HIGD1A: variants seen among roughly 807,000 people sequenced by gnomAD.
HIGD1A encodes HIG1 domain family member 1A, mitochondrial.
Under a neutral mutation model 11.3 loss-of-function variants are expected in HIGD1A, and 8 were observed. That is an observed-to-expected ratio of 0.71 (90% CI 0.42 to 1.28). The LOEUF (loss-of-function observed/expected upper bound fraction) is 1.28, where lower values mean the gene tolerates loss of function less well. Among genes scored for constraint, HIGD1A ranks in the 50% most tolerant of loss-of-function variants. The pLI is 0.01. For synonymous variants in HIGD1A, 32 were observed against 38.4 expected, an observed-to-expected ratio of 0.83 and a Z score of 0.62; for missense variants, 107 against 118.8, an observed-to-expected ratio of 0.90 and a Z score of 0.46.
intron 3 of HIGD1A, 109 bp downstream of exon 3, chr3:42,785,919 G>T: frequency 2.1e-6 from 2 of 940,058 alleles, no homozygotes; most frequent in Non-Finnish European, 3.4e-6. Context: ...ATGAGTATAA[G>T]TGATATTCTC....
chr3:42,788,827 G>A (rs945008199), intron 2 of HIGD1A, among the ~76,000 whole-genome samples: 6 of 151,386 alleles, frequency 4.0e-5, no homozygotes, highest in African/African-American at 1.5e-4. Flanking sequence ...GCAGTGAGCC[G>A]AGATCCTGCC....
chr3:42,802,522 T>C (rs1255689225), intron 1 of HIGD1A, among the ~76,000 whole-genome samples: 1 of 152,254 alleles, frequency 6.6e-6, no homozygotes, highest in East Asian at 1.9e-4. Flanking sequence ...ATAGTACATA[T>C]CTAAAATACT....
intron 1 of HIGD1A, among the ~76,000 whole-genome samples, chr3:42,799,382 T>C (rs564465082): frequency 2.4e-4 from 36 of 152,170 alleles, no homozygotes; most frequent in Non-Finnish European, 4.3e-4. Context: ...GGCTAATTCA[T>C]TAAACCTACA....
At chr3:42,790,937 G>A (rs1575359653) in intron 2 of HIGD1A, among the ~76,000 whole-genome samples, 1 of 152,256 alleles carries the variant, frequency 6.6e-6, no homozygotes, top group South Asian at 2.1e-4. Flanking sequence ...TTGGCCTGCT[G>A]AGTAGCTGCA....
chr3:42,801,876 A>C (rs1021829667), intron 1 of HIGD1A, among the ~76,000 whole-genome samples: 1 of 152,236 alleles, frequency 6.6e-6, no homozygotes, highest in South Asian at 2.1e-4. Context: ...AAAGCAAGAA[A>C]GTTGGTAGCC....
At chr3:42,789,538 A>G (rs1700394276) in intron 2 of HIGD1A, among the ~76,000 whole-genome samples, 2 of 144,144 alleles carry the variant, frequency 1.4e-5, no homozygotes, top group African/African-American at 2.6e-5. Flanking sequence ...AAATTAAAAA[A>G]AAGAATTCAC....
chr3:42,793,338 C>T (rs1700451294), intron 2 of HIGD1A, among the ~76,000 whole-genome samples: 1 of 152,188 alleles, frequency 6.6e-6, no homozygotes, highest in African/African-American at 2.4e-5. Flanking sequence ...TCAGTCACAG[C>T]TGACACCTCA....
intron 2 of HIGD1A, among the ~76,000 whole-genome samples, chr3:42,791,889 T>G (rs1256260274): frequency 6.6e-6 from 1 of 152,192 alleles, no homozygotes; most frequent in Non-Finnish European, 1.5e-5. Context: ...TATTTTTTAC[T>G]GAGGGAATAT....
At chr3:42,790,206 T>G (rs1392909418) in intron 2 of HIGD1A, among the ~76,000 whole-genome samples, 1 of 152,160 alleles carries the variant, frequency 6.6e-6, no homozygotes, top group Non-Finnish European at 1.5e-5. Context: ...ATCATCTAAC[T>G]GTGTGTATAG....
At chr3:42,789,318 T>C (rs925262407) in intron 2 of HIGD1A, among the ~76,000 whole-genome samples, 2 of 152,050 alleles carry the variant, frequency 1.3e-5, no homozygotes, top group African/African-American at 2.4e-5. Context: ...GCTGGGATTA[T>C]AGGTGTGAAC....
At chr3:42,795,964 T>A (rs1369149592) in intron 1 of HIGD1A, among the ~76,000 whole-genome samples, 7 of 152,242 alleles carry the variant, frequency 4.6e-5, no homozygotes, top group African/African-American at 9.6e-5. Context: ...CTAATTAGTG[T>A]CAATTACAAT....
At position 42,794,174 on chromosome 3, in the gene HIGD1A, G is replaced by A. The variant is rs780692480; in HGVS notation, c.80C>T (p.Ala27Val). ...AAACTTACCAACGGGTACGAATGGTGCCTCTTTAGCTTTTCGAATGAGTTT... is the reference window on the plus strand; with the variant it reads ...AAACTTACCAACGGGTACGAATGGTACCTCTTTAGCTTTTCGAATGAGTTT... ...GSKLIRKAKE[A>V]PFVPVGIAGF... The change falls in exon 2 of 4, where the codon GCA becomes GTA. Residue 27 changes from alanine to valine, a missense_variant. By Grantham distance (64) the Ala-to-Val change is moderately conservative. Coordinates refer to ENST00000321331, the MANE Select transcript of HIGD1A (RefSeq NM_014056.4). 1.2e-6 allele frequency: 2 copies of A among 1,602,884 alleles called. No homozygotes were observed. The highest frequency in any genetic ancestry group is 1.3e-5 in the African/African-American group (1 of 74,232).
chr3:42,786,067 C>T lies in HIGD1A; in HGVS notation c.193G>A (p.Val65Met), dbSNP rs369168250. The change falls in exon 3 of 4, where the codon GTG becomes ATG. Residue 65 changes from valine to methionine, a missense_variant. Physicochemically the swap from Val to Met is conservative, Grantham distance 21 (BLOSUM62 1). Transcript: ENST00000321331. ...CCTACAACAAAGCCTTGGGCTGCCA[C>T]ACGCATGTGGATCAGATGAATGGAC... ...KMSIHLIHMR[V>M]AAQGFVVGAM... is the part of the protein sequence containing the mutation. The T allele has an allele frequency of 3.7e-6, 6 of 1,613,010 alleles. No homozygotes were observed. The African/African-American group carries it at 8.0e-5, about 22-fold the overall frequency.
At chr3:42,795,379 T>C (rs552608678) in intron 1 of HIGD1A, among the ~76,000 whole-genome samples, 28 of 152,202 alleles carry the variant, frequency 1.8e-4, no homozygotes, top group African/African-American at 6.7e-4. Flanking sequence ...CCACCATGCC[T>C]GGCTAATTTT....
chr3:42,801,308 T>C (rs1263913812), intron 1 of HIGD1A, among the ~76,000 whole-genome samples: 1 of 152,194 alleles, frequency 6.6e-6, no homozygotes, highest in African/African-American at 2.4e-5. Context: ...TGACCTCCTC[T>C]CAGAAATTTT....
chr3:42,801,387 T>C (rs1177976402), intron 1 of HIGD1A, among the ~76,000 whole-genome samples: 1 of 152,230 alleles, frequency 6.6e-6, no homozygotes, highest in Non-Finnish European at 1.5e-5. Context: ...CTTATAACCC[T>C]TATAAGCACC....
In HIGD1A at chr3:42,787,420, A is replaced by G. The variant is rs141531693; in HGVS notation, c.98-1258T>C. Among the ~76,000 whole-genome samples, 411 of 151,692 alleles carry G rather than the reference A, an allele frequency of 2.7e-3. 1 individual carries two copies. Among genetic ancestry groups the G allele is most frequent in the African/African-American group, 9.4e-3 (387 of 41,376 alleles). On this transcript the variant is annotated intron_variant, in intron 2 of 3. Transcript: ENST00000321331. ...GACCAGCCTGGCCAACAGCCTGGTCATCTCTACTAAAAATACAAAAAATTA... is the reference window on the plus strand; with the variant it reads ...GACCAGCCTGGCCAACAGCCTGGTCGTCTCTACTAAAAATACAAAAAATTA...
rs542275163 is a variant in HIGD1A, at chr3:42,793,582, G to A, written c.97+575C>T. Reference sequence around the variant, plus strand: ...CTGTAATAAACTATGACTGTAACAAGCATTTTTGAGTCTTATGAGTCTTGG... The same window carrying A: ...CTGTAATAAACTATGACTGTAACAAACATTTTTGAGTCTTATGAGTCTTGG... On this transcript the variant is annotated intron_variant, in intron 2 of 3. Transcript: ENST00000321331. Among the ~76,000 whole-genome samples the A allele has an allele frequency of 4.5e-4, 69 of 152,304 alleles. 1 individual carries two copies. Among genetic ancestry groups the A allele is most frequent in the Middle Eastern group, 3.4e-3 (1 of 294 alleles).
rs924489779 is a variant in HIGD1A, at chr3:42,783,305, G to A, written c.*1966C>T. The stretch of plus-strand genomic sequence containing the variant: ...GCTAAAGCTAAGCTGACAAGTCAAA[G>A]AGAAGTATAATCACATTTAACATAC... On this transcript the variant is annotated 3_prime_UTR_variant, in exon 4 of 4. Coordinates refer to ENST00000321331, the MANE Select transcript of HIGD1A (RefSeq NM_014056.4). 6.6e-6 allele frequency among the ~76,000 whole-genome samples: 1 copy of A among 152,200 alleles called. No homozygotes were observed. The highest frequency in any genetic ancestry group is 1.5e-5 in the Non-Finnish European group (1 of 68,044).
Sources: allele counts gnomAD v4.1 joint callset (sites outside exome capture counted in the v4.1 genomes callset), GRCh38; gene constraint gnomAD v4.1.1; transcripts MANE v1.5; gene names NCBI Gene and HGNC (gene_info 2026-07-23, HGNC 2026-07-21).